NALF1: variants seen among roughly 807,000 people sequenced by gnomAD.
NALF1 encodes family with sequence similarity 155 member A.
NALF1 carries 3 observed loss-of-function variants against 48.4 expected under a neutral mutation model. The ratio of observed to expected loss-of-function variants is 0.06; its 90% CI spans 0.03 to 0.16. The LOEUF (loss-of-function observed/expected upper bound fraction) is 0.16, where lower values mean the gene tolerates loss of function less well. Ranked by LOEUF, NALF1 falls within the 10% of genes least tolerant of loss-of-function variation. The probability of loss-of-function intolerance (pLI) is 1.00; values close to 1 mark genes in which losing one functional copy is unlikely to be tolerated. For missense variants in NALF1, 526 were observed against 571.5 expected, an observed-to-expected ratio of 0.92 and a Z score of 0.81; for synonymous variants, 262 against 245.7, an observed-to-expected ratio of 1.07 and a Z score of -0.62.
intron 1 of NALF1, among the ~76,000 whole-genome samples, chr13:107,659,590 C>A (rs1437640796): frequency 6.6e-6 from 1 of 151,572 alleles, no homozygotes; most frequent in Non-Finnish European, 1.5e-5. Flanking sequence ...ATAATAAGAA[C>A]CTCCATGGCA....
intron 1 of NALF1, among the ~76,000 whole-genome samples, chr13:107,326,106 A>AAG (rs1882360674): frequency 1.3e-5 from 2 of 151,650 alleles, no homozygotes; most frequent in Non-Finnish European, 2.9e-5. Flanking sequence ...TTTTAAAAAA[A>AAG]TCTGTGGTAG....
intron 1 of NALF1, among the ~76,000 whole-genome samples, chr13:107,467,142 T>C (rs1407512516): frequency 1.3e-5 from 2 of 152,308 alleles, no homozygotes; most frequent in African/African-American, 4.8e-5. Flanking sequence ...GAAATGTATA[T>C]ATGAATTCTT....
At chr13:107,465,039 T>A (rs1884978976) in intron 1 of NALF1, among the ~76,000 whole-genome samples, 1 of 152,154 alleles carries the variant, frequency 6.6e-6, no homozygotes, top group Non-Finnish European at 1.5e-5. Context: ...GCATTTTTTA[T>A]TAACTTTACA....
chr13:107,261,290 C>T (rs1880922618), intron 1 of NALF1, among the ~76,000 whole-genome samples: 1 of 152,072 alleles, frequency 6.6e-6, no homozygotes, highest in Non-Finnish European at 1.5e-5. Flanking sequence ...CACTGTGTAC[C>T]TTCCCTCCAT....
At chr13:107,741,927 C>T (rs9514730) in intron 1 of NALF1, among the ~76,000 whole-genome samples, 3,943 of 152,292 alleles carry the variant, frequency 0.026, 62 homozygotes, top group African/African-American at 0.046. Flanking sequence ...AGGTAAGGAA[C>T]AGTTCTCAAA....
chr13:107,232,963 A>G (rs1339870661), intron 1 of NALF1, among the ~76,000 whole-genome samples: 2 of 152,168 alleles, frequency 1.3e-5, no homozygotes, highest in Non-Finnish European at 1.5e-5. Context: ...CTATGGTTAC[A>G]CAGGTAGTTA....
intron 1 of NALF1, among the ~76,000 whole-genome samples, chr13:107,681,912 A>C (rs551312213): frequency 6.6e-6 from 1 of 152,228 alleles, no homozygotes; most frequent in African/African-American, 2.4e-5. Flanking sequence ...CACTACCCCT[A>C]AACAAGCTTC....
intron 1 of NALF1, among the ~76,000 whole-genome samples, chr13:107,315,264 A>G (rs1422981447): frequency 6.6e-6 from 1 of 152,078 alleles, no homozygotes; most frequent in Non-Finnish European, 1.5e-5. Context: ...ATAAAAATAT[A>G]AAGATGTACC....
intron 1 of NALF1, among the ~76,000 whole-genome samples, chr13:107,799,244 AATCTTAAAATATTATGTTGGTT>A (rs1166982446): frequency 6.6e-6 from 1 of 152,156 alleles, no homozygotes; most frequent in Non-Finnish European, 1.5e-5. Context: ...TGCATTACAA[AATCTTAAAATATTATGTTGGTT>A]TAGCCACAGA....
At chr13:107,327,723 A>G (rs1379422502) in intron 1 of NALF1, among the ~76,000 whole-genome samples, 1 of 152,152 alleles carries the variant, frequency 6.6e-6, no homozygotes, top group Non-Finnish European at 1.5e-5. Context: ...TGGTTGCAAT[A>G]CCAGCATTCA....
chr13:107,580,850 A>C (rs1205581565), intron 1 of NALF1, among the ~76,000 whole-genome samples: 1 of 152,162 alleles, frequency 6.6e-6, no homozygotes, highest in Non-Finnish European at 1.5e-5. Flanking sequence ...AGGACTACAG[A>C]CTTGGTGATG....
At chr13:107,550,742 A>G (rs1032576722) in intron 1 of NALF1, among the ~76,000 whole-genome samples, 2 of 152,186 alleles carry the variant, frequency 1.3e-5, no homozygotes, top group African/African-American at 4.8e-5. Context: ...AAAGGAAAGA[A>G]GGGTGAGTTT....
At chr13:107,471,943 T>C (rs567092395) in intron 1 of NALF1, among the ~76,000 whole-genome samples, 153 of 152,354 alleles carry the variant, frequency 1.0e-3, no homozygotes, top group Non-Finnish European at 1.9e-3. Context: ...GAAAAAAATG[T>C]ATTAACCTAT....
chr13:107,246,533 G>C (rs1454542668), intron 1 of NALF1, among the ~76,000 whole-genome samples: 1 of 152,160 alleles, frequency 6.6e-6, no homozygotes, highest in African/African-American at 2.4e-5. Context: ...TTTCAGAGCA[G>C]GGTGAGAGGC....
At chr13:107,270,761 C>G (rs1881146327) in intron 1 of NALF1, among the ~76,000 whole-genome samples, 1 of 151,268 alleles carries the variant, frequency 6.6e-6, no homozygotes, top group South Asian at 2.1e-4. Context: ...TGTGCTGCAC[C>G]CATTAACTCG....
chr13:107,423,325 T>C (rs1379455422), intron 1 of NALF1, among the ~76,000 whole-genome samples: 3 of 152,014 alleles, frequency 2.0e-5, no homozygotes, highest in African/African-American at 7.2e-5. Flanking sequence ...GGAAAGATAA[T>C]GTGGGGTAAA....
rs148278795 is a variant in NALF1 at position 107,361,825 on chromosome 13, G to A, written c.916-151070C>T. ...TGATCCCCAACATGGTCAGCTCTTC[G>A]CTGGTCTTCGCACTTTGCACTTTCT... On this transcript the variant is annotated intron_variant, in intron 1 of 2. Coordinates refer to ENST00000375915, the MANE Select transcript of NALF1 (RefSeq NM_001080396.3). 6.0e-3 allele frequency among the ~76,000 whole-genome samples: 907 copies of A among 152,274 alleles called. 10 individuals are homozygous for A. The highest frequency in any genetic ancestry group is 0.02 in the African/African-American group (851 of 41,562).
At position 107,657,414 on chromosome 13, in the gene NALF1, C is replaced by T. The variant is rs7333586; in HGVS notation, c.915+208268G>A. Reference sequence around the variant, plus strand: ...GTTCAACTATTTTCTTGCTGGTATTCTAAGTATTTGTGCATATGTTTGCAC... The same window carrying T: ...GTTCAACTATTTTCTTGCTGGTATTTTAAGTATTTGTGCATATGTTTGCAC... On this transcript the variant is annotated intron_variant, in intron 1 of 2. Coordinates refer to ENST00000375915, the MANE Select transcript of NALF1 (RefSeq NM_001080396.3). Among the ~76,000 whole-genome samples, 1,108 of 152,176 alleles carry T rather than the reference C, an allele frequency of 7.3e-3. 17 individuals carry two copies. Among genetic ancestry groups the T allele is most frequent in the African/African-American group, 0.026 (1,070 of 41,490 alleles).
At chr13:107,610,372 G>A (rs1265356880) in intron 1 of NALF1, among the ~76,000 whole-genome samples, 1 of 152,052 alleles carries the variant, frequency 6.6e-6, no homozygotes, top group African/African-American at 2.4e-5. Flanking sequence ...TTACCTTAGT[G>A]GATGAATAGA....
Sources: allele counts gnomAD v4.1 joint callset (sites outside exome capture counted in the v4.1 genomes callset), GRCh38; gene constraint gnomAD v4.1.1; transcripts MANE v1.5; gene names NCBI Gene and HGNC (gene_info 2026-07-23, HGNC 2026-07-21).